Variants in RTN1 observed in about 807,000 individuals in gnomAD.
RTN1 encodes reticulon-1.
RTN1 carries 25 observed loss-of-function variants against 65.5 expected under a neutral mutation model. That is an observed-to-expected ratio of 0.38 (90% CI 0.28 to 0.53). RTN1 has a LOEUF of 0.53. RTN1 is among the 20% of genes least tolerant of loss of function. The pLI is 0.79. For synonymous variants in RTN1, 471 were observed against 447.6 expected, an observed-to-expected ratio of 1.05 and a Z score of -0.66; for missense variants, 983 against 1,025.4, an observed-to-expected ratio of 0.96 and a Z score of 0.57.
intron 3 of RTN1, among the ~76,000 whole-genome samples, chr14:59,711,604 C>T (rs1884419715): frequency 6.6e-6 from 1 of 152,198 alleles, no homozygotes; most frequent in Non-Finnish European, 1.5e-5. Context: ...TTGCCATTCA[C>T]TTATTTATTA....
chr14:59,750,072 TTA>T (rs557603247), intron 1 of RTN1, among the ~76,000 whole-genome samples: 2 of 80,442 alleles, frequency 2.5e-5, no homozygotes, highest in African/African-American at 5.8e-5. Context: ...ATATTATATA[TTA>T]TATATTATAG....
intron 1 of RTN1, among the ~76,000 whole-genome samples, chr14:59,796,700 C>T (rs1403348558): frequency 6.6e-6 from 1 of 152,152 alleles, no homozygotes; most frequent in Non-Finnish European, 1.5e-5. Flanking sequence ...AAATTCAACT[C>T]AGATTTCACC....
chr14:59,696,542 G>A (rs1884067055), intron 3 of RTN1, among the ~76,000 whole-genome samples: 1 of 151,784 alleles, frequency 6.6e-6, no homozygotes, highest in Admixed American at 6.6e-5. Context: ...ATACTACATG[G>A]AAAATGCTAT....
intron 1 of RTN1, among the ~76,000 whole-genome samples, chr14:59,851,014 C>A (rs757884066): frequency 6.6e-6 from 1 of 152,164 alleles, no homozygotes; most frequent in East Asian, 1.9e-4. Context: ...TGATTGTTTT[C>A]CCCCTGCAGT....
At chr14:59,856,048 G>A (rs1887601890) in intron 1 of RTN1, among the ~76,000 whole-genome samples, 1 of 152,068 alleles carries the variant, frequency 6.6e-6, no homozygotes. Flanking sequence ...TTTCCTGCTT[G>A]TTGGCTTCTC....
chr14:59,847,676 G>C (rs1887433855), intron 1 of RTN1, among the ~76,000 whole-genome samples: 1 of 152,190 alleles, frequency 6.6e-6, no homozygotes, highest in South Asian at 2.1e-4. Flanking sequence ...AAGAACATTT[G>C]AAGTGATCAA....
intron 1 of RTN1, among the ~76,000 whole-genome samples, chr14:59,832,896 T>C (rs907113813): frequency 1.3e-5 from 2 of 152,214 alleles, no homozygotes; most frequent in African/African-American, 4.8e-5. Context: ...TGCTCCAGCA[T>C]GTTGCAAACA....
At chr14:59,640,755 T>C (rs1882759863) in intron 3 of RTN1, among the ~76,000 whole-genome samples, 1 of 152,224 alleles carries the variant, frequency 6.6e-6, no homozygotes, top group Non-Finnish European at 1.5e-5. Context: ...TATTTTCTCT[T>C]TATTTCTTGA....
intron 3 of RTN1, among the ~76,000 whole-genome samples, chr14:59,714,427 C>T (rs1884490960): frequency 6.6e-6 from 1 of 152,046 alleles, no homozygotes; most frequent in South Asian, 2.1e-4. Context: ...GTTGTTGTTG[C>T]TAATTTAATA....
chr14:59,862,322 T>C (rs1452228048), intron 1 of RTN1, among the ~76,000 whole-genome samples: 1 of 152,230 alleles, frequency 6.6e-6, no homozygotes, highest in African/African-American at 2.4e-5. Flanking sequence ...CATGGTTCAT[T>C]GTGATGTCAG....
chr14:59,835,045 G>A (rs936786845), intron 1 of RTN1, among the ~76,000 whole-genome samples: 3 of 152,196 alleles, frequency 2.0e-5, no homozygotes, highest in African/African-American at 7.2e-5. Context: ...ACAAACACTG[G>A]TACATAATGT....
intron 1 of RTN1, among the ~76,000 whole-genome samples, chr14:59,758,862 G>GA (rs1885692804): frequency 6.6e-6 from 1 of 151,888 alleles, no homozygotes. Flanking sequence ...TTAATTCAAT[G>GA]AAAAAAAATT....
At chr14:59,758,849 G>A (rs945251394) in intron 1 of RTN1, among the ~76,000 whole-genome samples, 1 of 152,138 alleles carries the variant, frequency 6.6e-6, no homozygotes, top group East Asian at 1.9e-4. Context: ...CATCAATCAT[G>A]TGTTAATTCA....
At chr14:59,747,812 T>TAC (rs1048866512) in intron 1 of RTN1, among the ~76,000 whole-genome samples, 2 of 151,892 alleles carry the variant, frequency 1.3e-5, no homozygotes, top group African/African-American at 2.4e-5. Context: ...ACAAACACAT[T>TAC]ACACACACAC....
chr14:59,667,960 G>A (rs376634542), intron 3 of RTN1, among the ~76,000 whole-genome samples: 34 of 152,014 alleles, frequency 2.2e-4, no homozygotes, highest in East Asian at 1.9e-3. Context: ...AAGAGGACAC[G>A]AACAAATGGA....
intron 3 of RTN1, among the ~76,000 whole-genome samples, chr14:59,724,060 A>G (rs1884705403): frequency 6.6e-6 from 1 of 152,230 alleles, no homozygotes; most frequent in Non-Finnish European, 1.5e-5. Flanking sequence ...CTAATCTTGT[A>G]GAAAGGAAAA....
intron 3 of RTN1, among the ~76,000 whole-genome samples, chr14:59,648,651 G>A (rs1335029426): frequency 6.6e-6 from 1 of 152,202 alleles, no homozygotes; most frequent in Non-Finnish European, 1.5e-5. Context: ...ATCAACAAAT[G>A]TGATTCATCA....
intron 3 of RTN1, among the ~76,000 whole-genome samples, chr14:59,627,671 A>T (rs1348185518): frequency 6.6e-6 from 1 of 152,196 alleles, no homozygotes; most frequent in Admixed American, 6.5e-5. Flanking sequence ...TATAAGGAGG[A>T]CTTTAGCCTC....
chr14:59,793,589 C>G (rs992804385), intron 1 of RTN1, among the ~76,000 whole-genome samples: 1 of 150,998 alleles, frequency 6.6e-6, no homozygotes, highest in African/African-American at 2.4e-5. Flanking sequence ...AGAATTTTAT[C>G]AGAGAATTCA....
Sources: allele counts gnomAD v4.1 joint callset (sites outside exome capture counted in the v4.1 genomes callset), GRCh38; gene constraint gnomAD v4.1.1; transcripts MANE v1.5; gene names NCBI Gene and HGNC (gene_info 2026-07-23, HGNC 2026-07-21).